The following PLA2G5 variants were observed in gnomAD, a reference collection of about 807,000 sequenced individuals.
The protein encoded by PLA2G5 is Ca2+-dependent phospholipase A2.
A neutral mutation model predicts 15.9 loss-of-function variants in PLA2G5; 12 were observed. That is an observed-to-expected ratio of 0.76 (90% CI 0.48 to 1.23). The LOEUF (loss-of-function observed/expected upper bound fraction) is 1.23. PLA2G5 is among the 50% of genes most tolerant of loss of function. The pLI, the probability that PLA2G5 is intolerant of heterozygous loss-of-function variation, is 0.00. For synonymous variants in PLA2G5, 71 were observed against 71.4 expected (o/e 0.99, Z 0.03); for missense variants, 169 against 177.1 (o/e 0.95, Z 0.26).
chr1:20,072,362 C>T (rs1178893922), intron 1 of PLA2G5, among the ~76,000 whole-genome samples: 1 of 152,102 alleles, frequency 6.6e-6, no homozygotes, highest in East Asian at 1.9e-4. Flanking sequence ...AGAACAGTGC[C>T]TGGCACATGA....
intron 1 of PLA2G5, among the ~76,000 whole-genome samples, chr1:20,072,849 C>T (rs2015453224): frequency 1.3e-5 from 2 of 152,104 alleles, no homozygotes; most frequent in Non-Finnish European, 2.9e-5. Flanking sequence ...TTCTGAAGGC[C>T]TGTTCCCACA....
intron 1 of PLA2G5, among the ~76,000 whole-genome samples, chr1:20,036,873 C>T (rs57218951): frequency 0.011 from 1,630 of 152,236 alleles, 17 homozygotes; most frequent in African/African-American, 0.037. Flanking sequence ...CCATGTTGGT[C>T]ACGCTGGTCT....
rs1342492270 is a variant in PLA2G5 at position 20,071,352 on chromosome 1, T to G, written c.-11+887T>G. Among the ~76,000 whole-genome samples the G allele has an allele frequency of 1.3e-5, 2 of 152,222 alleles. 1 individual carries two copies. Among genetic ancestry groups the G allele is most frequent in the Non-Finnish European group, 2.9e-5 (2 of 68,034 alleles). Reference sequence around the variant, plus strand: ...AGTGCTAGGTGCTGCCAGGGAGAGATAAATGAGACACCCTCAAGGATTCAC... The same window carrying G: ...AGTGCTAGGTGCTGCCAGGGAGAGAGAAATGAGACACCCTCAAGGATTCAC... On this transcript the variant is annotated intron_variant, in intron 1 of 4. Transcript: ENST00000375108.
upstream of PLA2G5, among the ~76,000 whole-genome samples, chr1:20,069,348 G>A (rs1409064839): frequency 6.6e-6 from 1 of 152,164 alleles, no homozygotes; most frequent in African/African-American, 2.4e-5. Flanking sequence ...ACTGGTCTGG[G>A]TTCAAGAGCA....
intron 1 of PLA2G5, among the ~76,000 whole-genome samples, chr1:20,053,222 A>G (rs1422062889): frequency 2.0e-5 from 3 of 152,278 alleles, no homozygotes; most frequent in South Asian, 2.1e-4. Flanking sequence ...TTTTCAATTT[A>G]TAACTCTTTT....
At chr1:20,086,509 G>GCTTGT (rs955588563) in intron 3 of PLA2G5, among the ~76,000 whole-genome samples, 7 of 152,158 alleles carry the variant, frequency 4.6e-5, no homozygotes, top group African/African-American at 1.7e-4. Flanking sequence ...TGTGGGGATG[G>GCTTGT]CTTGTCGCAG....
At chr1:20,055,397 C>G (rs2014384742) in intron 1 of PLA2G5, among the ~76,000 whole-genome samples, 1 of 152,178 alleles carries the variant, frequency 6.6e-6, no homozygotes. Context: ...AGCCAGAATT[C>G]TGGACAGACT....
intron 1 of PLA2G5, among the ~76,000 whole-genome samples, chr1:20,053,267 A>G (rs2014264564): frequency 6.6e-6 from 1 of 152,198 alleles, no homozygotes; most frequent in South Asian, 2.1e-4. Flanking sequence ...CAACATTTTT[A>G]CTTATTTGTT....
At chr1:20,042,984 A>T (rs1357250064) in intron 1 of PLA2G5, among the ~76,000 whole-genome samples, 1 of 152,132 alleles carries the variant, frequency 6.6e-6, no homozygotes, top group Non-Finnish European at 1.5e-5. Context: ...TGAGAAGCAG[A>T]CGGACGGAAA....
intron 1 of PLA2G5, among the ~76,000 whole-genome samples, chr1:20,052,498 A>G (rs1479141022): frequency 6.6e-6 from 1 of 152,018 alleles, no homozygotes; most frequent in Admixed American, 6.5e-5. Flanking sequence ...GCCTATCTTG[A>G]TTTTCCAGGA....
intron 1 of PLA2G5, among the ~76,000 whole-genome samples, chr1:20,035,467 G>A (rs944755102): frequency 2.0e-5 from 3 of 152,180 alleles, no homozygotes; most frequent in African/African-American, 7.2e-5. Context: ...CTTTGACGAA[G>A]GTCTGCAAAA....
chr1:20,074,516 G>A (rs2015565259), intron 1 of PLA2G5, among the ~76,000 whole-genome samples: 2 of 152,182 alleles, frequency 1.3e-5, no homozygotes, highest in African/African-American at 2.4e-5. Flanking sequence ...CATGAGCTTT[G>A]ACAGATCTTG....
rs142706440 is a variant in PLA2G5 at position 20,039,670 on chromosome 1, GGAGAGAGA to G, written n.276+10974_276+10981del. On this transcript the variant is annotated intron_variant and non_coding_transcript_variant, in intron 1 of 6. Transcript: ENST00000460175. The stretch of plus-strand genomic sequence containing the variant: ...ATCATTTGAGAAAGTGAGGGGAAGT[GGAGAGAGA>G]GAGAGAGAGAGAAGCCATTTTTTGT... Among the ~76,000 whole-genome samples, 620 of 149,716 alleles carry G rather than the reference GGAGAGAGA, an allele frequency of 4.1e-3. 3 individuals are homozygous for G. Among genetic ancestry groups the G allele is most frequent in the Admixed American group, 0.017 (249 of 15,036 alleles).
At chr1:20,067,995 C>T (rs115332462), upstream of PLA2G5, among the ~76,000 whole-genome samples, 3 of 151,766 alleles carry the variant, frequency 2.0e-5, no homozygotes, top group Non-Finnish European at 4.4e-5. Context: ...GACAGGCCCC[C>T]GTAATCCCAG....
intron 1 of PLA2G5, among the ~76,000 whole-genome samples, chr1:20,054,117 G>T (rs2221531): frequency 0.29 from 44,493 of 152,014 alleles, 6,654 homozygotes; most frequent in Admixed American, 0.35. Context: ...ACTCCTAGAG[G>T]TCCTCTCCAT....
intron 1 of PLA2G5, among the ~76,000 whole-genome samples, chr1:20,030,716 G>A (rs1054973941): frequency 6.6e-6 from 1 of 152,092 alleles, no homozygotes; most frequent in Non-Finnish European, 1.5e-5. Flanking sequence ...AGGTCCCTGC[G>A]GCCTTCTGCA....
At chr1:20,035,828 G>A (rs1272251497) in intron 1 of PLA2G5, among the ~76,000 whole-genome samples, 1 of 152,028 alleles carries the variant, frequency 6.6e-6, no homozygotes, top group Non-Finnish European at 1.5e-5. Context: ...CTGTTTTATA[G>A]GTCCTGTGGG....
chr1:20,030,452 C>T (rs12744629), intron 1 of PLA2G5, among the ~76,000 whole-genome samples: 5,828 of 152,170 alleles, frequency 0.038, 167 homozygotes, highest in Middle Eastern at 0.12. Flanking sequence ...GCGGTTTTCT[C>T]CTATCTCAGT....
At chr1:20,060,388 G>C (rs767491860) in intron 2 of PLA2G5, among the ~76,000 whole-genome samples, 8 of 151,058 alleles carry the variant, frequency 5.3e-5, no homozygotes, top group South Asian at 2.1e-4. Flanking sequence ...CAAGTAGCTG[G>C]GATTATAGGC....
Sources: allele counts gnomAD v4.1 joint callset (sites outside exome capture counted in the v4.1 genomes callset), GRCh38; gene constraint gnomAD v4.1.1; transcripts MANE v1.5; gene names NCBI Gene and HGNC (gene_info 2026-07-23, HGNC 2026-07-21).